Variants in ACAD11 observed in about 807,000 individuals in gnomAD.
The protein encoded by ACAD11 is acyl-Coenzyme A dehydrogenase family, member 11.
A neutral mutation model predicts 102.2 loss-of-function variants in ACAD11; 83 were observed. The observed-to-expected ratio is 0.81, with a 90% CI of 0.68 to 0.97. The LOEUF is 0.97. ACAD11 is among the 50% of genes least tolerant of loss of function. ACAD11 has a pLI of 0.00. For synonymous variants in ACAD11, 324 were observed against 319.8 expected, an observed-to-expected ratio of 1.01 and a Z score of -0.14; for missense variants, 901 against 951.7, an observed-to-expected ratio of 0.95 and a Z score of 0.70.
chr3:132,560,308 T>C (rs746827143), intron 18 of ACAD11, among the ~76,000 whole-genome samples: 24 of 152,132 alleles, frequency 1.6e-4, no homozygotes, highest in South Asian at 4.1e-4. Context: ...AATTAAATGA[T>C]TATGTCTTTA....
chr3:132,641,964 T>G lies in ACAD11; in HGVS notation c.537+8A>C, dbSNP rs1940542604. 3 of 1,593,072 alleles carry G rather than the reference T, an allele frequency of 1.9e-6. No individual in the cohort carries two copies. In the African/African-American group the frequency reaches 4.0e-5, roughly 21 times the overall value. ...TGAAAAAAATAGCTATTAATGTGGATGCATTACCTGTCTTTTGCAGTACCC... is the reference window on the plus strand; with the variant it reads ...TGAAAAAAATAGCTATTAATGTGGAGGCATTACCTGTCTTTTGCAGTACCC... On this transcript the variant is annotated splice_region_variant and intron_variant, in intron 4 of 19. Transcript: ENST00000264990.
rs777419931 is a variant in ACAD11, at chr3:132,578,840, G to A, written c.1730C>T (p.Pro577Leu). 3.7e-6 allele frequency: 6 copies of A among 1,613,026 alleles called. No individual in the cohort carries two copies. The South Asian group carries it at 5.5e-5, about 15-fold the overall frequency. ...HSMILVPMNT[P>L]GVKIIRPLSV... Reference sequence around the variant, plus strand: ...CAAAGGCCTTATTATTTTTACTCCAGGTGTGTTCATGGGAACAAGAATCAT... The same window carrying A: ...CAAAGGCCTTATTATTTTTACTCCAAGTGTGTTCATGGGAACAAGAATCAT... Residue 577 changes from proline to leucine, a missense_variant, in exon 15 of 20, where the codon CCT becomes CTT. Physicochemically the swap from Pro to Leu is moderately conservative, Grantham distance 98. Coordinates refer to ENST00000264990, the MANE Select transcript of ACAD11 (RefSeq NM_032169.5).
chr3:132,578,757 C>G (rs199733640), intron 15 of ACAD11, 39 bp downstream of exon 15: 1 of 1,604,988 alleles, frequency 6.2e-7, no homozygotes, highest in Admixed American at 1.7e-5. Context: ...TCTAGCCTTC[C>G]TGCTTGCTAA....
intron 13 of ACAD11, among the ~76,000 whole-genome samples, chr3:132,589,847 C>G (rs1278997168): frequency 6.6e-6 from 1 of 152,164 alleles, no homozygotes; most frequent in East Asian, 1.9e-4. Flanking sequence ...GTTATCTTTT[C>G]TGCTCCTTTC....
chr3:132,600,365 T>C (rs776936636), intron 13 of ACAD11: 27 of 1,521,238 alleles, frequency 1.8e-5, no homozygotes, highest in Non-Finnish European at 1.9e-5. Flanking sequence ...CAAATATCTA[T>C]CCTGTATTCT....
chr3:132,572,903 T>G (rs1460520171), intron 17 of ACAD11, among the ~76,000 whole-genome samples: 1 of 152,134 alleles, frequency 6.6e-6, no homozygotes, highest in Non-Finnish European at 1.5e-5. Context: ...TAATTGTCCT[T>G]TTATTTTCCT....
intron 13 of ACAD11, chr3:132,601,163 T>G: frequency 6.2e-7 from 1 of 1,612,712 alleles, no homozygotes; most frequent in Non-Finnish European, 8.5e-7. Context: ...TCAACTGCCT[T>G]ATAACATTGT....
At chr3:132,659,570 T>G (rs1938014689) in intron 1 of ACAD11, 33 bp downstream of exon 1, 2 of 1,607,634 alleles carry the variant, frequency 1.2e-6, no homozygotes, top group African/African-American at 2.7e-5. Context: ...GTACAAATTT[T>G]TTTCCGCTGG....
Position 132,619,469 on chromosome 3 carries a change from T to A in ACAD11, c.1274A>T (p.Lys425Met). Residue 425 changes from lysine (K) to methionine (M), a missense_variant and splice_region_variant, in exon 10 of 20, where the codon AAG (lysine) becomes ATG (methionine). By Grantham distance (95) the Lys-to-Met change is moderately conservative. Coordinates refer to ENST00000264990, the MANE Select transcript of ACAD11 (RefSeq NM_032169.5). ...WGKPLVIDKL[K>M]EMAKVEGLWN... ...TTCTAGCGTTAAAGATTTTCTTACC[T>A]TGAGTTTATCAATCACTAAAGGTTT... The A allele has an allele frequency of 6.3e-7, 1 of 1,576,698 alleles. No individual in the cohort carries two copies. The highest frequency in any genetic ancestry group is 8.6e-7 in the Non-Finnish European group (1 of 1,165,046).
At chr3:132,583,009 C>T (rs1166612614) in intron 13 of ACAD11, among the ~76,000 whole-genome samples, 1 of 152,072 alleles carries the variant, frequency 6.6e-6, no homozygotes, top group Non-Finnish European at 1.5e-5. Context: ...GTCTAAAATT[C>T]TGTTTTTTTG....
intron 11 of ACAD11, among the ~76,000 whole-genome samples, chr3:132,607,539 A>G (rs143265478): frequency 0.061 from 9,304 of 152,306 alleles, 378 homozygotes; most frequent in Middle Eastern, 0.092. Context: ...CTGAAGATCA[A>G]CTTAATGAAA....
chr3:132,656,033 A>G (rs1217894746), intron 1 of ACAD11, among the ~76,000 whole-genome samples: 1 of 152,184 alleles, frequency 6.6e-6, no homozygotes, highest in Non-Finnish European at 1.5e-5. Context: ...GAAACCCTGT[A>G]TGTCCTTCCC....
In ACAD11 at chr3:132,630,426, C is replaced by A; in HGVS notation, c.963+11G>T. ...ATAATGGCGAAACACACGTTTAAAA[C>A]AATTAATTACCTGTGCTATTCCAGC... On this transcript the variant is annotated intron_variant, in intron 7 of 19. Transcript: ENST00000264990. The A allele has an allele frequency of 6.2e-7, 1 of 1,608,280 alleles. No homozygotes were observed.
At chr3:132,579,028 C>G (rs1162049902) in intron 14 of ACAD11, 147 bp from the exon 15 acceptor site, 7 of 1,518,196 alleles carry the variant, frequency 4.6e-6, no homozygotes, top group Non-Finnish European at 1.8e-6. Flanking sequence ...AAAAGACGTA[C>G]ACCAACATAG....
intron 11 of ACAD11, among the ~76,000 whole-genome samples, chr3:132,611,575 C>T (rs1482975906): frequency 2.6e-5 from 4 of 151,958 alleles, no homozygotes; most frequent in African/African-American, 7.3e-5. Flanking sequence ...TCATATACAC[C>T]AATAACAGAG....
intron 11 of ACAD11, among the ~76,000 whole-genome samples, chr3:132,612,753 T>C (rs1041006501): frequency 1.4e-4 from 22 of 151,916 alleles, no homozygotes; most frequent in South Asian, 8.3e-4. Context: ...TGTGGAGAAA[T>C]AGGAACACTT....
intron 13 of ACAD11, among the ~76,000 whole-genome samples, chr3:132,593,242 T>C (rs1055808099): frequency 3.9e-5 from 6 of 151,998 alleles, no homozygotes; most frequent in Non-Finnish European, 7.4e-5. Flanking sequence ...TGTTTCAACA[T>C]TTATGACAAA....
intron 5 of ACAD11, among the ~76,000 whole-genome samples, chr3:132,637,993 C>T (rs1014766911): frequency 6.6e-6 from 1 of 152,100 alleles, no homozygotes; most frequent in African/African-American, 2.4e-5. Flanking sequence ...CCCCTACAAC[C>T]ACTGTTTAGG....
chr3:132,609,771 C>T (rs1418309259), intron 11 of ACAD11, among the ~76,000 whole-genome samples: 1 of 152,154 alleles, frequency 6.6e-6, no homozygotes, highest in Non-Finnish European at 1.5e-5. Context: ...CTTCCTAACT[C>T]GTTTTATGAG....
Sources: allele counts gnomAD v4.1 joint callset (sites outside exome capture counted in the v4.1 genomes callset), GRCh38; gene constraint gnomAD v4.1.1; transcripts MANE v1.5; gene names NCBI Gene and HGNC (gene_info 2026-07-23, HGNC 2026-07-21).